The following PDE4D variants were observed in gnomAD, a reference collection of about 807,000 sequenced individuals.
PDE4D encodes phosphodiesterase 4D.
In PDE4D, 24 loss-of-function variants were observed where a neutral mutation model predicts 87.4. The ratio of observed to expected loss-of-function variants is 0.27; its 90% CI spans 0.20 to 0.39. The LOEUF (loss-of-function observed/expected upper bound fraction) is 0.39, where lower values mean the gene tolerates loss of function less well. PDE4D is among the 10% of genes least tolerant of loss of function. The pLI is 1.00. For missense variants in PDE4D, 714 were observed against 1,041.0 expected, an observed-to-expected ratio of 0.69 and a Z score of 4.32; for synonymous variants, 384 against 383.2, an observed-to-expected ratio of 1.00 and a Z score of -0.02.
chr5:59,678,964 T>C (rs1196846953), intron 1 of PDE4D, among the ~76,000 whole-genome samples: 1 of 152,344 alleles, frequency 6.6e-6, no homozygotes, highest in East Asian at 1.9e-4. Context: ...GTGTGCCTGT[T>C]TCTTTACCCC....
At chr5:59,126,771 A>G (rs1775463594) in intron 5 of PDE4D, among the ~76,000 whole-genome samples, 1 of 152,220 alleles carries the variant, frequency 6.6e-6, no homozygotes, top group South Asian at 2.1e-4. Context: ...AAGAATATGG[A>G]TATTAAAATC....
chr5:59,995,934 AT>A (rs1763486743), intron 2 of PDE4D, among the ~76,000 whole-genome samples: 1 of 152,224 alleles, frequency 6.6e-6, no homozygotes, highest in South Asian at 2.1e-4. Context: ...ACTGCAAGAA[AT>A]TAGGAAAGAG....
intron 1 of PDE4D, among the ~76,000 whole-genome samples, chr5:59,761,446 T>C (rs962015216): frequency 2.0e-5 from 3 of 152,182 alleles, no homozygotes; most frequent in Non-Finnish European, 4.4e-5. Flanking sequence ...CTTTTAATTT[T>C]TTGGCTCTTT....
At chr5:60,474,802 A>G (rs925424589) in intron 1 of PDE4D, among the ~76,000 whole-genome samples, 6 of 151,990 alleles carry the variant, frequency 3.9e-5, no homozygotes, top group African/African-American at 1.4e-4. Context: ...TCCTGTATGG[A>G]GCTCCTCCCC....
intron 1 of PDE4D, among the ~76,000 whole-genome samples, chr5:59,564,989 A>G (rs1820633699): frequency 6.6e-6 from 1 of 152,186 alleles, no homozygotes; most frequent in African/African-American, 2.4e-5. Flanking sequence ...GTCAGAAGGA[A>G]CACCATGGAC....
chr5:60,416,969 A>C lies in PDE4D; in HGVS notation c.-90+70973T>G, dbSNP rs112908352. Reference sequence around the variant, plus strand: ...TCTTCATGCTACCATGACTAATCACACTGTGCGATTCCATCTACAAATGGC... The same window carrying C: ...TCTTCATGCTACCATGACTAATCACCCTGTGCGATTCCATCTACAAATGGC... On this transcript the variant is annotated intron_variant, in intron 1 of 16. Transcript: ENST00000502484. Among the ~76,000 whole-genome samples, 400 of 152,288 alleles carry C rather than the reference A, an allele frequency of 2.6e-3. 5 individuals carry two copies. The highest frequency in any genetic ancestry group is 9.3e-3 in the African/African-American group (388 of 41,554).
intron 1 of PDE4D, among the ~76,000 whole-genome samples, chr5:60,270,933 T>G (rs912345548): frequency 6.6e-6 from 1 of 152,204 alleles, no homozygotes; most frequent in South Asian, 2.1e-4. Context: ...TCTGATAAGA[T>G]TCTTTGAAAA....
At chr5:60,091,902 T>C (rs1775157109) in intron 2 of PDE4D, among the ~76,000 whole-genome samples, 1 of 151,064 alleles carries the variant, frequency 6.6e-6, no homozygotes, top group Non-Finnish European at 1.5e-5. Context: ...AATACAAAAA[T>C]TAGCCGGGCA....
intron 2 of PDE4D, among the ~76,000 whole-genome samples, chr5:60,061,716 A>G (rs535637104): frequency 1.2e-4 from 18 of 152,092 alleles, no homozygotes; most frequent in Admixed American, 2.6e-4. Context: ...AACATGGTAC[A>G]GGTATCAAAA....
chr5:60,435,214 T>C (rs746234395), intron 1 of PDE4D, among the ~76,000 whole-genome samples: 2 of 152,108 alleles, frequency 1.3e-5, no homozygotes, highest in Non-Finnish European at 2.9e-5. Flanking sequence ...AACAATGTGT[T>C]ATGCATTTTT....
At chr5:60,092,974 A>G (rs1434376017) in intron 2 of PDE4D, among the ~76,000 whole-genome samples, 2 of 152,202 alleles carry the variant, frequency 1.3e-5, no homozygotes, top group Non-Finnish European at 2.9e-5. Flanking sequence ...CATTTGTACG[A>G]TTCCAGTCTT....
In PDE4D at chr5:60,233,114, T is replaced by TA. The variant is rs1746004690; in HGVS notation, c.-89-47428_-89-47427insT. Among the ~76,000 whole-genome samples, 4 of 151,460 alleles carry TA rather than the reference T, an allele frequency of 2.6e-5. No individual in the cohort carries two copies. The Admixed American group carries it at 2.6e-4, about 10-fold the overall frequency. ...CATGGGAATAAGGTTAGCAGAAACATGCAAACTCAAGCATATCAGATATAA... is the reference window on the plus strand; with the variant it reads ...CATGGGAATAAGGTTAGCAGAAACATAGCAAACTCAAGCATATCAGATATAA... On this transcript the variant is annotated intron_variant, in intron 1 of 16. Coordinates refer to the PDE4D transcript ENST00000502484.
At chr5:59,704,534 C>CA (rs1170098317) in intron 1 of PDE4D, among the ~76,000 whole-genome samples, 1 of 152,140 alleles carries the variant, frequency 6.6e-6, no homozygotes, top group African/African-American at 2.4e-5. Flanking sequence ...TTAAATGGTG[C>CA]CAGCATTGTG....
At chr5:59,691,116 G>A (rs1349212574) in intron 1 of PDE4D, among the ~76,000 whole-genome samples, 1 of 152,208 alleles carries the variant, frequency 6.6e-6, no homozygotes, top group Non-Finnish European at 1.5e-5. Flanking sequence ...GTTTTACACT[G>A]TTGGTGGGAC....
At chr5:59,085,570 CA>C (rs1233503944) in intron 5 of PDE4D, among the ~76,000 whole-genome samples, 1 of 152,124 alleles carries the variant, frequency 6.6e-6, no homozygotes, top group Non-Finnish European at 1.5e-5. Flanking sequence ...TTGAGAGAGT[CA>C]AAAGTGGACA....
chr5:60,495,844 G>A (rs138122676), intron 1 of PDE4D, among the ~76,000 whole-genome samples: 204 of 152,302 alleles, frequency 1.3e-3, no homozygotes, highest in African/African-American at 4.5e-3. Context: ...AGGGGTATCT[G>A]AAATAATTAT....
At chr5:59,587,332 C>A (rs1425875422) in intron 1 of PDE4D, 1 of 565,990 alleles carries the variant, frequency 1.8e-6, no homozygotes, top group East Asian at 1.5e-4. Context: ...TCTTTCTTTT[C>A]TTTTTTTTCC....
intron 5 of PDE4D, among the ~76,000 whole-genome samples, chr5:59,100,966 A>G (rs1303270443): frequency 1.3e-5 from 2 of 152,170 alleles, no homozygotes; most frequent in African/African-American, 4.8e-5. Context: ...GGCAATTGGT[A>G]TGAAGGCTTC....
chr5:59,534,284 A>T (rs1039327483), intron 1 of PDE4D, among the ~76,000 whole-genome samples: 2 of 152,222 alleles, frequency 1.3e-5, no homozygotes, highest in Admixed American at 6.5e-5. Flanking sequence ...CAGATTTTTT[A>T]AATCCAGAGT....
Sources: allele counts gnomAD v4.1 joint callset (sites outside exome capture counted in the v4.1 genomes callset), GRCh38; gene constraint gnomAD v4.1.1; transcripts MANE v1.5; gene names NCBI Gene and HGNC (gene_info 2026-07-23, HGNC 2026-07-21).